Variants in DNAI7 observed in about 807,000 individuals in gnomAD.
DNAI7 encodes cancer susceptibility 1.
In DNAI7, 78 loss-of-function variants were observed where a neutral mutation model predicts 86.6. That is an observed-to-expected ratio of 0.90 (90% CI 0.75 to 1.09). The LOEUF (loss-of-function observed/expected upper bound fraction) is 1.09. Ranked by LOEUF, DNAI7 falls within the 50% of genes least tolerant of loss-of-function variation. The pLI is 0.00. For missense variants in DNAI7, 753 were observed against 810.2 expected, an observed-to-expected ratio of 0.93 and a Z score of 0.86; for synonymous variants, 274 against 273.0, an observed-to-expected ratio of 1.00 and a Z score of -0.04.
At chr12:25,134,831 A>T (rs1052178985) in intron 9 of DNAI7, among the ~76,000 whole-genome samples, 1 of 152,254 alleles carries the variant, frequency 6.6e-6, no homozygotes, top group African/African-American at 2.4e-5. Context: ...TTTCAGGCCC[A>T]CTAGCTGTCT....
At chr12:25,108,271 T>C, downstream of DNAI7, 1 of 576,224 alleles carries the variant, frequency 1.7e-6, no homozygotes, top group Non-Finnish European at 2.9e-6. Flanking sequence ...ATGAGCTTTT[T>C]AAGGAAGAAA....
intron 5 of DNAI7, 103 bp from the exon 6 acceptor site, chr12:25,154,559 C>T: frequency 8.5e-7 from 1 of 1,170,102 alleles, no homozygotes; most frequent in Non-Finnish European, 1.2e-6. Flanking sequence ...GTTTAACCAA[C>T]TTAGATAAAA....
chr12:25,125,284 A>AT (rs1248585278), intron 9 of DNAI7, among the ~76,000 whole-genome samples: 1 of 152,002 alleles, frequency 6.6e-6, no homozygotes, highest in Non-Finnish European at 1.5e-5. Flanking sequence ...AGCAACTTTT[A>AT]TTTTTTGACT....
chr12:25,194,927 AG>A (rs1950909178), intron 1 of DNAI7, 148 bp downstream of exon 1: 2 of 1,614,056 alleles, frequency 1.2e-6, no homozygotes, highest in South Asian at 2.2e-5. Flanking sequence ...TGCTGAGAAG[AG>A]GGCCGACCCA....
At position 25,155,361 on chromosome 12, in the gene DNAI7, A is replaced by C; in HGVS notation, c.250T>G (p.Cys84Gly). ...TTCAATTTCTCTGCTTCAGGAAAAC[A>C]CCTCTCTAATAAATAAAGTTCTTCA... ...ELEELYLLER[C>G]FPEAEKLKQE... Residue 84 changes from cysteine (C) to glycine (G), a missense_variant, in exon 5 of 16, where the codon TGT becomes GGT. Transcript: ENST00000395987. The C allele has an allele frequency of 2.5e-6, 4 of 1,608,912 alleles. No homozygotes were observed. The highest frequency in any genetic ancestry group is 3.4e-6 in the Non-Finnish European group (4 of 1,176,896).
At chr12:25,107,715 G>A (rs751280428), downstream of DNAI7, 59 of 1,100,048 alleles carry the variant, frequency 5.4e-5, no homozygotes, top group Non-Finnish European at 7.2e-5. Flanking sequence ...AGGCAGTTTT[G>A]GGGGTATGAA....
Position 25,144,461 on chromosome 12 carries a change from G to T in DNAI7, c.906C>A (p.Val302=), listed in dbSNP as rs779702405. The T allele has an allele frequency of 6.2e-7, 1 of 1,613,664 alleles. No individual in the cohort carries two copies. Among genetic ancestry groups the T allele is most frequent in the Non-Finnish European group, 8.5e-7 (1 of 1,179,932 alleles). The part of the protein sequence containing the change: ...KNVEKAISKE[V]EEESKQQERG... ...TTTCTTGTTGTTTGGACTCTTCTTC[G>T]ACCTCCTTGCTGATTGCTTTTTCTA... The change falls in exon 9 of 16, where the codon GTC becomes GTA. Residue 302 remains valine, a synonymous_variant. Transcript: ENST00000395987.
intron 2 of DNAI7, among the ~76,000 whole-genome samples, chr12:25,170,523 C>T (rs1387958739): frequency 1.3e-5 from 2 of 151,926 alleles, no homozygotes; most frequent in African/African-American, 4.8e-5. Flanking sequence ...AGTAACACAA[C>T]AATAATGGAG....
rs1947202677 is a variant in DNAI7, at chr12:25,164,449, T to G, written c.22-3252A>C. ...CCTTCTTCTCCCTTAGCCTGTGTTCTTAAAAACCTAAAACCTCTTCAACTC... is the reference window on the plus strand; with the variant it reads ...CCTTCTTCTCCCTTAGCCTGTGTTCGTAAAAACCTAAAACCTCTTCAACTC... On this transcript the variant is annotated intron_variant, in intron 2 of 15. Transcript: ENST00000395987. Among the ~76,000 whole-genome samples, 3 of 152,242 alleles carry G rather than the reference T, an allele frequency of 2.0e-5. No homozygotes were observed. In the South Asian group the frequency reaches 6.2e-4, roughly 32 times the overall value.
chr12:25,159,930 T>C (rs1474746553), intron 3 of DNAI7, among the ~76,000 whole-genome samples: 2 of 152,198 alleles, frequency 1.3e-5, no homozygotes, highest in South Asian at 2.1e-4. Context: ...TTATCAATGT[T>C]TAATCAGTTT....
chr12:25,110,285 C>A, intron 14 of DNAI7, 45 bp from the exon 15 acceptor site: 1 of 1,113,202 alleles, frequency 9.0e-7, no homozygotes, highest in Non-Finnish European at 1.4e-6. Context: ...AGCCTCCCAA[C>A]AAGTCTTCCT....
chr12:25,147,682 T>C (rs1945047045), intron 7 of DNAI7, among the ~76,000 whole-genome samples: 2 of 152,290 alleles, frequency 1.3e-5, no homozygotes, highest in South Asian at 4.1e-4. Context: ...AAGTTGCTTC[T>C]ACATTTCTGG....
At chr12:25,150,163 T>C (rs1431704350) in intron 6 of DNAI7, among the ~76,000 whole-genome samples, 1 of 152,236 alleles carries the variant, frequency 6.6e-6, no homozygotes, top group Non-Finnish European at 1.5e-5. Context: ...CCTCAATGGC[T>C]ACCTAAATGA....
chr12:25,122,771 C>A (rs1169336356), intron 10 of DNAI7, among the ~76,000 whole-genome samples: 1 of 152,096 alleles, frequency 6.6e-6, no homozygotes, highest in Non-Finnish European at 1.5e-5. Flanking sequence ...AAGTTCATTA[C>A]AATATTGTAG....
chr12:25,138,456 G>A (rs11513449), intron 9 of DNAI7, among the ~76,000 whole-genome samples: 58,121 of 151,844 alleles, frequency 0.38, 13,021 homozygotes, highest in East Asian at 0.77. Context: ...AGTAAGACTC[G>A]GTCTCAAATG....
intron 5 of DNAI7, 76 bp from the exon 6 acceptor site, chr12:25,154,532 T>G (rs1945932653): frequency 6.7e-7 from 1 of 1,486,166 alleles, no homozygotes; most frequent in African/African-American, 1.4e-5. Flanking sequence ...TTTTTGAAGG[T>G]GAATTTTTAT....
At chr12:25,165,843 T>C (rs1292497695) in intron 2 of DNAI7, among the ~76,000 whole-genome samples, 3 of 152,164 alleles carry the variant, frequency 2.0e-5, no homozygotes, top group Non-Finnish European at 4.4e-5. Context: ...CTGGTGCTAA[T>C]TTAGACAGTA....
At chr12:25,132,152 T>G (rs1943006495) in intron 9 of DNAI7, among the ~76,000 whole-genome samples, 2 of 152,070 alleles carry the variant, frequency 1.3e-5, no homozygotes, top group Admixed American at 6.6e-5. Flanking sequence ...GGGAAATACA[T>G]CGTTTCATTT....
intron 4 of DNAI7, among the ~76,000 whole-genome samples, chr12:25,157,277 C>CA (rs34695125): frequency 0.016 from 1,434 of 88,848 alleles, 45 homozygotes; most frequent in African/African-American, 0.053. Context: ...GACTCCGTCT[C>CA]AAAAAAAAAA....
Sources: gnomAD v4.1 joint callset for allele counts (sites outside exome capture counted in the v4.1 genomes callset) on GRCh38, gnomAD v4.1.1 for gene constraint, MANE v1.5 for transcripts, NCBI Gene and HGNC (gene_info 2026-07-23, HGNC 2026-07-21) for gene names.